PDE10A: variants seen among roughly 807,000 people sequenced by gnomAD.
The protein encoded by PDE10A is cAMP and cAMP-inhibited cGMP 3',5'-cyclic phosphodiesterase 10A.
In PDE10A, 39 loss-of-function variants were observed where a neutral mutation model predicts 97.7. The observed-to-expected ratio is 0.40, with a 90% CI of 0.31 to 0.52. The LOEUF is 0.52. PDE10A is among the 20% of genes least tolerant of loss of function. PDE10A has a pLI of 0.56. For missense variants in PDE10A, 731 were observed against 1,047.8 expected, an observed-to-expected ratio of 0.70 and a Z score of 4.17; for synonymous variants, 371 against 376.8, an observed-to-expected ratio of 0.98 and a Z score of 0.18.
At chr6:165,953,663 A>G (rs1215208618) in intron 1 of PDE10A, among the ~76,000 whole-genome samples, 1 of 152,194 alleles carries the variant, frequency 6.6e-6, no homozygotes, top group Non-Finnish European at 1.5e-5. Context: ...GACAGTAGAG[A>G]GTCCTCCCGT....
chr6:165,610,329 G>A (rs1292845989), intron 1 of PDE10A, among the ~76,000 whole-genome samples: 1 of 152,116 alleles, frequency 6.6e-6, no homozygotes, highest in Non-Finnish European at 1.5e-5. Context: ...GGATCACGAG[G>A]TCAGGAGATC....
At chr6:165,985,641 C>G (rs1192127410) in intron 1 of PDE10A, among the ~76,000 whole-genome samples, 2 of 152,178 alleles carry the variant, frequency 1.3e-5, no homozygotes. Context: ...CCTGCTGTCC[C>G]TCATCAGCAA....
chr6:165,517,075 GATTC>G, intron 2 of PDE10A, among the ~76,000 whole-genome samples: 1 of 152,146 alleles, frequency 6.6e-6, no homozygotes. Context: ...ATTCTATCTT[GATTC>G]ATTAAATGGG....
At chr6:165,610,918 C>T (rs1787462509) in intron 1 of PDE10A, among the ~76,000 whole-genome samples, 1 of 152,112 alleles carries the variant, frequency 6.6e-6, no homozygotes, top group African/African-American at 2.4e-5. Context: ...TACCTCACCT[C>T]AGCTCTCTTC....
intron 1 of PDE10A, among the ~76,000 whole-genome samples, chr6:165,634,956 A>C (rs767234456): frequency 7.9e-5 from 12 of 152,196 alleles, no homozygotes; most frequent in Admixed American, 2.0e-4. Flanking sequence ...TCATTTAAGC[A>C]TTTATATAGC....
chr6:165,430,354 T>C lies in PDE10A; in HGVS notation c.1543-9A>G. ...GCAAGGCCTCTGCATACCTACCATA[T>C]AAAATAATAGGTACAATTACAAGAG... On this transcript the variant is annotated splice_polypyrimidine_tract_variant and intron_variant, in intron 8 of 21. Coordinates refer to ENST00000539869, the MANE Select transcript of PDE10A (RefSeq NM_001385079.1). The C allele has an allele frequency of 2.6e-6, 4 of 1,549,506 alleles. No homozygotes were observed. Among genetic ancestry groups the C allele is most frequent in the Admixed American group, 1.7e-5 (1 of 58,318 alleles).
At chr6:165,765,563 C>G (rs1171635395) in intron 1 of PDE10A, among the ~76,000 whole-genome samples, 1 of 145,246 alleles carries the variant, frequency 6.9e-6, no homozygotes, top group Non-Finnish European at 1.5e-5. Context: ...CCGGCAGGGC[C>G]GGCTGGCTGC....
chr6:165,860,875 C>T (rs74369396), intron 1 of PDE10A, among the ~76,000 whole-genome samples: 1,637 of 152,312 alleles, frequency 0.011, 26 homozygotes, highest in African/African-American at 0.035. Context: ...GCACCCATTG[C>T]TGCAGGCACA....
At chr6:165,536,630 T>C (rs548337068) in intron 2 of PDE10A, among the ~76,000 whole-genome samples, 1 of 150,264 alleles carries the variant, frequency 6.7e-6, no homozygotes, top group African/African-American at 2.4e-5. Context: ...AGCAAAAAAT[T>C]AGCAAAAGAT....
chr6:165,913,355 A>G (rs547954227), intron 1 of PDE10A, among the ~76,000 whole-genome samples: 2 of 152,080 alleles, frequency 1.3e-5, no homozygotes, highest in Admixed American at 1.3e-4. Context: ...CCTCCTACAG[A>G]TAACAAAATC....
At chr6:165,518,268 T>C (rs1781932190) in intron 2 of PDE10A, among the ~76,000 whole-genome samples, 1 of 152,228 alleles carries the variant, frequency 6.6e-6, no homozygotes, top group African/African-American at 2.4e-5. Context: ...GAGTAATCTT[T>C]ACAGTAGAAC....
intron 2 of PDE10A, among the ~76,000 whole-genome samples, chr6:165,534,837 C>G (rs1782985001): frequency 6.6e-6 from 1 of 151,966 alleles, no homozygotes; most frequent in African/African-American, 2.4e-5. Context: ...CTATAGCTAG[C>G]ATGACACTGA....
chr6:165,653,981 T>G (rs1049279405), intron 1 of PDE10A, among the ~76,000 whole-genome samples: 1 of 152,098 alleles, frequency 6.6e-6, no homozygotes, highest in Non-Finnish European at 1.5e-5. Flanking sequence ...GGCTCTCTCC[T>G]CTCTGGAACC....
intron 1 of PDE10A, among the ~76,000 whole-genome samples, chr6:165,722,989 T>A (rs976970054): frequency 6.6e-6 from 1 of 152,130 alleles, no homozygotes; most frequent in Admixed American, 6.5e-5. Context: ...TTGTTTGGAT[T>A]GAATATAATA....
At chr6:165,656,222 C>T (rs183618641) in intron 1 of PDE10A, among the ~76,000 whole-genome samples, 29 of 147,722 alleles carry the variant, frequency 2.0e-4, no homozygotes, top group African/African-American at 6.8e-4. Context: ...GGAACTACTC[C>T]CATTCCAACC....
intron 2 of PDE10A, among the ~76,000 whole-genome samples, chr6:165,489,340 G>C (rs542030167): frequency 2.6e-4 from 40 of 152,248 alleles, no homozygotes; most frequent in Middle Eastern, 3.4e-3. Context: ...ACATTCAGAA[G>C]ATAAATAATA....
chr6:165,334,384 C>T (rs1267720828), intron 21 of PDE10A, among the ~76,000 whole-genome samples: 2 of 149,284 alleles, frequency 1.3e-5, no homozygotes, highest in Non-Finnish European at 3.0e-5. Flanking sequence ...CCTACAGCGC[C>T]GGGCACGCGC....
intron 2 of PDE10A, among the ~76,000 whole-genome samples, chr6:165,500,098 G>A (rs1390123981): frequency 3.3e-5 from 5 of 152,064 alleles, no homozygotes; most frequent in East Asian, 1.9e-4. Context: ...CTGAATATGC[G>A]AATTATATTC....
chr6:165,368,557 A>G (rs1783984405), intron 18 of PDE10A, among the ~76,000 whole-genome samples: 1 of 152,180 alleles, frequency 6.6e-6, no homozygotes, highest in Non-Finnish European at 1.5e-5. Context: ...GTATAACAAG[A>G]AAAACCAAAA....
Sources: gnomAD v4.1 joint callset for allele counts (sites outside exome capture counted in the v4.1 genomes callset) on GRCh38, gnomAD v4.1.1 for gene constraint, MANE v1.5 for transcripts, NCBI Gene and HGNC (gene_info 2026-07-23, HGNC 2026-07-21) for gene names.